The following TMEM161A variants were observed in gnomAD, a reference collection of about 807,000 sequenced individuals.
TMEM161A encodes the protein adaptive response to oxidative stress protein 29.
In TMEM161A, 46 loss-of-function variants were observed where a neutral mutation model predicts 57.1. That is an observed-to-expected ratio of 0.81 (90% CI 0.64 to 1.03). The LOEUF (loss-of-function observed/expected upper bound fraction) is 1.03, where lower values mean the gene tolerates loss of function less well. TMEM161A is among the 50% of genes least tolerant of loss of function. The probability of loss-of-function intolerance (pLI) is 0.00; values close to 1 mark genes in which losing one functional copy is unlikely to be tolerated. For missense variants in TMEM161A, 601 were observed against 621.5 expected (o/e 0.97, Z 0.35); for synonymous variants, 288 against 279.0 (o/e 1.03, Z -0.32).
intron 2 of TMEM161A, among the ~76,000 whole-genome samples, chr19:19,134,034 C>A (rs957968294): frequency 2.0e-5 from 3 of 151,462 alleles, no homozygotes; most frequent in Non-Finnish European, 1.5e-5. Context: ...GGATTATGGG[C>A]CTGAGCTATC....
intron 5 of TMEM161A, 147 bp from the exon 6 acceptor site, chr19:19,130,454 G>A: frequency 1.0e-6 from 1 of 953,742 alleles, no homozygotes; most frequent in African/African-American, 1.6e-5. Context: ...TCGGTTTTGG[G>A]GTGCTGGATC....
At position 19,132,326 on chromosome 19, in the gene TMEM161A, T is replaced by C; in HGVS notation, c.443+26A>G. On this transcript the variant is annotated intron_variant, in intron 5 of 11. Coordinates refer to ENST00000162044, the MANE Select transcript of TMEM161A (RefSeq NM_017814.3). This position sits in a 1 kb window ranked among gnomAD's most constrained non-coding sequence, Gnocchi z 4.3. ...CAGGTCCTGCTCCCACCCGCCCCAC[T>C]GGCAGGGAGCAGAGAGGAAGGATAC... The C allele has an allele frequency of 6.3e-7, 1 of 1,597,454 alleles. No homozygotes were observed. Among genetic ancestry groups the C allele is most frequent in the African/African-American group, 1.3e-5 (1 of 74,706 alleles).
At position 19,121,152 on chromosome 19, in the gene TMEM161A, G is replaced by A. The variant is rs757129597; in HGVS notation, c.929C>T (p.Ala310Val). ...CAACCAGAGGCGCCCAGAGTCGAAG[G>A]CAGAATCGGACAGCCTGTGCGGAGA... ...ETRFSLLSDSAFDSGRLWLLV... is the reference protein window; with the variant it reads ...ETRFSLLSDSVFDSGRLWLLV... The change falls in exon 10 of 12, where the codon GCC becomes GTC. Residue 310 changes from alanine to valine, a missense_variant. Transcript: ENST00000162044. This position sits in a 1 kb window ranked among gnomAD's most constrained non-coding sequence, Gnocchi z 5.8. 6 of 1,607,670 alleles carry A rather than the reference G, an allele frequency of 3.7e-6. No individual in the cohort carries two copies. In the South Asian group the frequency reaches 6.6e-5, roughly 18 times the overall value.
At chr19:19,137,747 T>A (rs1010099319) in intron 1 of TMEM161A, among the ~76,000 whole-genome samples, 3 of 152,058 alleles carry the variant, frequency 2.0e-5, no homozygotes, top group African/African-American at 7.2e-5. Flanking sequence ...CACGTCCCTC[T>A]CTCTGCCCAG....
rs1185285194 is a variant in TMEM161A, at chr19:19,132,464, C to T, written c.331G>A (p.Val111Met). 1 of 1,614,186 alleles carries T rather than the reference C, an allele frequency of 6.2e-7. No individual in the cohort carries two copies. The highest frequency in any genetic ancestry group is 1.7e-5 in the Admixed American group (1 of 60,018). ...AAGAGGTACACGCCGCCCGAGTACA[C>T]AGCAAAGTCCACAAACCACTGGTAC... ...LEYQWFVDFA[V>M]YSGGVYLFTE... is the part of the protein sequence containing the mutation. Residue 111 changes from valine to methionine, a missense_variant, in exon 5 of 12, where the codon GTG becomes ATG. Transcript: ENST00000162044. This position sits in a 1 kb window ranked among gnomAD's most constrained non-coding sequence, Gnocchi z 4.3.
intron 6 of TMEM161A, among the ~76,000 whole-genome samples, chr19:19,126,786 C>T (rs2059933170): frequency 6.6e-6 from 1 of 152,316 alleles, no homozygotes; most frequent in East Asian, 1.9e-4. Context: ...AAGAGAATCA[C>T]TTGAGCCTGG....
Position 19,119,851 on chromosome 19 carries a change from G to A in TMEM161A, c.*79C>T. The A allele has an allele frequency of 6.7e-7, 1 of 1,488,678 alleles. No individual in the cohort carries two copies. Among genetic ancestry groups the A allele is most frequent in the Non-Finnish European group, 9.0e-7 (1 of 1,108,442 alleles). 92.2% of individuals were successfully genotyped at this position (1,488,678 alleles called of 1,614,324 possible). ...CCCCACCTTGCAGCTGGGGACACGG[G>A]GGCGCAAACAGAGGGGGCAGGCTAG... On this transcript the variant is annotated 3_prime_UTR_variant, in exon 12 of 12. Coordinates refer to ENST00000162044, the MANE Select transcript of TMEM161A (RefSeq NM_017814.3).
At chr19:19,137,204 C>T (rs2059988728) in intron 1 of TMEM161A, among the ~76,000 whole-genome samples, 1 of 152,164 alleles carries the variant, frequency 6.6e-6, no homozygotes, top group Admixed American at 6.5e-5. Flanking sequence ...CTGCACCCTG[C>T]AGGCATAGCT....
intron 11 of TMEM161A, 69 bp from the exon 12 acceptor site, chr19:19,120,252 CGGG>C (rs889283114): frequency 7.4e-7 from 1 of 1,344,874 alleles, no homozygotes; most frequent in Non-Finnish European, 1.0e-6. Flanking sequence ...AGGGCTGGCA[CGGG>C]GGGCCAGGCC....
rs1249854836 is a variant in TMEM161A, at chr19:19,130,199, C to G, written c.552G>C (p.Val184=). The change falls in exon 6 of 12, where the codon GTG becomes GTC. Residue 184 remains valine (V), a synonymous_variant. Transcript: ENST00000162044. ...AFLFLLLAML[V]QVVREETLEL... is the part of the protein sequence containing the mutation. Reference sequence around the variant, plus strand: ...CGAGGGTCTCCTCCCGCACCACTTGCACCAGCATGGCCAGCAGCAGGAAGA... The same window carrying G: ...CGAGGGTCTCCTCCCGCACCACTTGGACCAGCATGGCCAGCAGCAGGAAGA... 6.2e-7 allele frequency: 1 copy of G among 1,613,788 alleles called. No individual in the cohort carries two copies. The highest frequency in any genetic ancestry group is 8.5e-7 in the Non-Finnish European group (1 of 1,180,048).
chr19:19,128,865 T>G (rs1191848375), intron 6 of TMEM161A, among the ~76,000 whole-genome samples: 1 of 152,158 alleles, frequency 6.6e-6, no homozygotes, highest in Non-Finnish European at 1.5e-5. Context: ...GCCACTGAGC[T>G]GCACATTTAA....
chr19:19,128,817 C>T (rs1380680812), intron 6 of TMEM161A, among the ~76,000 whole-genome samples: 1 of 152,136 alleles, frequency 6.6e-6, no homozygotes, highest in Non-Finnish European at 1.5e-5. Flanking sequence ...GGATTACAGG[C>T]ATGAGCCACC....
intron 6 of TMEM161A, 122 bp downstream of exon 6, chr19:19,130,034 T>G: frequency 8.6e-7 from 1 of 1,160,060 alleles, no homozygotes; most frequent in Non-Finnish European, 1.2e-6. Flanking sequence ...GGGGACTGCC[T>G]TCACCCCAGG....
chr19:19,129,538 G>A (rs1008219085), intron 6 of TMEM161A, among the ~76,000 whole-genome samples: 2 of 152,038 alleles, frequency 1.3e-5, no homozygotes, highest in Non-Finnish European at 2.9e-5. Context: ...TTGAGCTCAG[G>A]AGTGTGAGAC....
At chr19:19,122,273 G>C (rs2059914673) in intron 6 of TMEM161A, among the ~76,000 whole-genome samples, 1 of 152,062 alleles carries the variant, frequency 6.6e-6, no homozygotes, top group African/African-American at 2.4e-5. Context: ...CAGCCTTGGG[G>C]ACAAGAGTGA....
In TMEM161A at chr19:19,134,773, G is replaced by A. The variant is rs762190265; in HGVS notation, c.107+11C>T. ...TCCGCGGGCCCCTCCCACCGCCGGG[G>A]CGGGGCTCACCTGCCGTTACAGAGC... On this transcript the variant is annotated intron_variant, in intron 2 of 11. Coordinates refer to ENST00000162044, the MANE Select transcript of TMEM161A (RefSeq NM_017814.3). 1 of 1,552,928 alleles carries A rather than the reference G, an allele frequency of 6.4e-7. No homozygotes were observed. The highest frequency in any genetic ancestry group is 1.4e-5 in the African/African-American group (1 of 73,064).
intron 1 of TMEM161A, among the ~76,000 whole-genome samples, chr19:19,135,349 T>C (rs1374015440): frequency 6.6e-6 from 1 of 152,038 alleles, no homozygotes; most frequent in Admixed American, 6.6e-5. Flanking sequence ...CCACTGCGTC[T>C]CGGTTGAGCT....
Position 19,134,868 on chromosome 19 carries a change from A to C in TMEM161A, c.23T>G (p.Leu8Arg). Residue 8 changes from leucine to arginine, a missense_variant, in exon 2 of 12, where the codon CTG (leucine) becomes CGG (arginine). Coordinates refer to ENST00000162044, the MANE Select transcript of TMEM161A (RefSeq NM_017814.3). MAVLGVQ[L>R]VVTLLTATLM... ...GGTGGCAGTGAGCAGGGTCACCACC[A>C]GCTGTACTCCGAGGACCGCCTGGGG... The C allele has an allele frequency of 6.3e-7, 1 of 1,595,258 alleles. No homozygotes were observed. The highest frequency in any genetic ancestry group is 8.5e-7 in the Non-Finnish European group (1 of 1,171,546).
intron 6 of TMEM161A, among the ~76,000 whole-genome samples, chr19:19,126,160 G>C (rs2146330413): frequency 1.6e-5 from 1 of 63,458 alleles, no homozygotes; most frequent in South Asian, 6.3e-4. Flanking sequence ...GCGAGACTCT[G>C]TCTCAAAAAA....
Sources: allele counts gnomAD v4.1 joint callset (sites outside exome capture counted in the v4.1 genomes callset), GRCh38; gene constraint gnomAD v4.1.1; non-coding constraint Gnocchi (gnomAD v3.1); transcripts MANE v1.5; gene names NCBI Gene and HGNC (gene_info 2026-07-23, HGNC 2026-07-21).